Variants in EPHA6 observed in about 807,000 individuals in gnomAD.
The protein encoded by EPHA6 is ephrin type-A receptor 6.
A neutral mutation model predicts 112.0 loss-of-function variants in EPHA6; 50 were observed. The ratio of observed to expected loss-of-function variants is 0.45; its 90% CI spans 0.36 to 0.56. The LOEUF is 0.56. EPHA6 is among the 20% of genes least tolerant of loss of function. EPHA6 has a pLI of 0.00. For synonymous variants in EPHA6, 529 were observed against 490.7 expected (o/e 1.08, Z -1.03); for missense variants, 1,280 against 1,417.4 (o/e 0.90, Z 1.56).
chr3:97,551,450 A>G (rs1420332875), intron 11 of EPHA6, among the ~76,000 whole-genome samples: 1 of 152,178 alleles, frequency 6.6e-6, no homozygotes, highest in Non-Finnish European at 1.5e-5. Context: ...TTGTCAAACA[A>G]AGACATCAGT....
chr3:97,634,025 C>T (rs1271251833), intron 13 of EPHA6, among the ~76,000 whole-genome samples: 1 of 151,998 alleles, frequency 6.6e-6, no homozygotes, highest in Non-Finnish European at 1.5e-5. Flanking sequence ...CCAAATTATG[C>T]TACCCAACCT....
intron 11 of EPHA6, among the ~76,000 whole-genome samples, chr3:97,567,888 G>A (rs2093287953): frequency 1.3e-5 from 2 of 152,164 alleles, no homozygotes; most frequent in African/African-American, 4.8e-5. Flanking sequence ...GAAGGTTTAG[G>A]CCAGAGTGGG....
rs144516767 is a variant in EPHA6, at chr3:97,012,478, C to G, written c.1114+24485C>G. 1.7e-4 allele frequency among the ~76,000 whole-genome samples: 26 copies of G among 150,094 alleles called. No individual in the cohort carries two copies. In the East Asian group the frequency reaches 4.3e-3, roughly 25 times the overall value. On this transcript the variant is annotated intron_variant, in intron 3 of 17. Coordinates refer to ENST00000389672, the MANE Select transcript of EPHA6 (RefSeq NM_001080448.3). ...AGCTGGAACTACAAGTGTGTGCCAC[C>G]TGCCCAACTAATTATGTATATTCAT...
chr3:97,568,286 G>A (rs555066512), intron 11 of EPHA6, among the ~76,000 whole-genome samples: 1 of 152,262 alleles, frequency 6.6e-6, no homozygotes, highest in Admixed American at 6.5e-5. Context: ...GAATCACACT[G>A]TATTCCTACC....
At chr3:96,971,936 C>A (rs1195345076) in intron 2 of EPHA6, among the ~76,000 whole-genome samples, 4 of 151,986 alleles carry the variant, frequency 2.6e-5, no homozygotes. Context: ...GCATATACTA[C>A]AAAACATTGA....
At chr3:97,278,544 C>T (rs973786566) in intron 5 of EPHA6, among the ~76,000 whole-genome samples, 2 of 152,148 alleles carry the variant, frequency 1.3e-5, no homozygotes, top group African/African-American at 4.8e-5. Context: ...AAAAACTGTG[C>T]ACAGGTTGTC....
chr3:96,888,277 C>T (rs9833803), intron 2 of EPHA6, among the ~76,000 whole-genome samples: 1 of 152,096 alleles, frequency 6.6e-6, no homozygotes, highest in Non-Finnish European at 1.5e-5. Context: ...TCCCCTACCA[C>T]TGTATTTCGC....
chr3:96,996,143 T>C (rs1173788146), intron 3 of EPHA6, among the ~76,000 whole-genome samples: 1 of 152,168 alleles, frequency 6.6e-6, no homozygotes, highest in African/African-American at 2.4e-5. Context: ...AAGAAACCAC[T>C]TTCTTTGCTC....
At chr3:97,243,055 A>C (rs2078893176) in intron 4 of EPHA6, among the ~76,000 whole-genome samples, 1 of 151,790 alleles carries the variant, frequency 6.6e-6, no homozygotes, top group African/African-American at 2.4e-5. Context: ...AGGATTATTC[A>C]CACAATTTTA....
chr3:97,622,625 T>C lies in EPHA6; in HGVS notation c.2574+11771T>C, dbSNP rs147445138. On this transcript the variant is annotated intron_variant, in intron 13 of 17. Coordinates refer to ENST00000389672, the MANE Select transcript of EPHA6 (RefSeq NM_001080448.3). ...ATCCAGAAGTGGGATTACTGGATAA[T>C]ACTTTAATTCTATTTTTAACTTTTA... 4.6e-5 allele frequency among the ~76,000 whole-genome samples: 7 copies of C among 151,912 alleles called. No individual in the cohort carries two copies. In the East Asian group the frequency reaches 1.2e-3, roughly 25 times the overall value.
At chr3:97,718,087 G>T (rs1333712610) in intron 14 of EPHA6, among the ~76,000 whole-genome samples, 1 of 152,176 alleles carries the variant, frequency 6.6e-6, no homozygotes, top group Non-Finnish European at 1.5e-5. Flanking sequence ...CCTTGCCCTT[G>T]TATATGTTCT....
chr3:97,272,260 ATC>A (rs1178264658), intron 5 of EPHA6, among the ~76,000 whole-genome samples: 2 of 152,006 alleles, frequency 1.3e-5, no homozygotes, highest in Non-Finnish European at 2.9e-5. Context: ...TAATGGCAGC[ATC>A]TCTTTCTTTT....
intron 3 of EPHA6, among the ~76,000 whole-genome samples, chr3:97,123,348 G>T (rs1166563436): frequency 1.3e-5 from 2 of 151,856 alleles, no homozygotes; most frequent in Non-Finnish European, 2.9e-5. Flanking sequence ...TTTGTTCATT[G>T]TATATTCATA....
At chr3:96,846,461 T>A (rs1316973144) in intron 1 of EPHA6, among the ~76,000 whole-genome samples, 1 of 152,026 alleles carries the variant, frequency 6.6e-6, no homozygotes, top group Non-Finnish European at 1.5e-5. Context: ...AAGAAGGTAA[T>A]CTTTATGTTA....
At chr3:97,154,907 G>A (rs1384375975) in intron 3 of EPHA6, among the ~76,000 whole-genome samples, 2 of 152,032 alleles carry the variant, frequency 1.3e-5, no homozygotes, top group Admixed American at 6.6e-5. Flanking sequence ...TCACATTTTA[G>A]ACCACATTCA....
intron 5 of EPHA6, among the ~76,000 whole-genome samples, chr3:97,341,054 A>T (rs1346155769): frequency 6.6e-6 from 1 of 152,204 alleles, no homozygotes; most frequent in African/African-American, 2.4e-5. Context: ...TGGCAAGGGA[A>T]ATAAAATGGC....
chr3:97,184,195 G>C (rs1382278137), intron 3 of EPHA6, among the ~76,000 whole-genome samples: 1 of 152,018 alleles, frequency 6.6e-6, no homozygotes, highest in Non-Finnish European at 1.5e-5. Flanking sequence ...TTAAAGCAAT[G>C]ACAACTAATA....
chr3:97,282,217 C>G (rs1057114304), intron 5 of EPHA6, among the ~76,000 whole-genome samples: 12 of 152,116 alleles, frequency 7.9e-5, no homozygotes, highest in African/African-American at 2.9e-4. Flanking sequence ...TCAATATGTA[C>G]AGAGAAATGT....
intron 14 of EPHA6, among the ~76,000 whole-genome samples, chr3:97,646,526 A>G (rs2094065220): frequency 6.6e-6 from 1 of 152,164 alleles, no homozygotes; most frequent in African/African-American, 2.4e-5. Flanking sequence ...AGTTTATTAT[A>G]GAGCGACCAT....
Sources: allele counts gnomAD v4.1 joint callset (sites outside exome capture counted in the v4.1 genomes callset), GRCh38; gene constraint gnomAD v4.1.1; transcripts MANE v1.5; gene names NCBI Gene and HGNC (gene_info 2026-07-23, HGNC 2026-07-21).